CLNK: variants seen among roughly 807,000 people sequenced by gnomAD.
The protein encoded by CLNK is cytokine dependent hematopoietic cell linker.
A neutral mutation model predicts 68.6 loss-of-function variants in CLNK; 74 were observed. The observed-to-expected ratio is 1.08, with a 90% CI of 0.89 to 1.31. The LOEUF (loss-of-function observed/expected upper bound fraction) is 1.31. Among genes scored for constraint, CLNK ranks in the 50% most tolerant of loss-of-function variants. The pLI is 0.00. For missense variants in CLNK, 553 were observed against 515.3 expected (o/e 1.07, Z -0.71); for synonymous variants, 198 against 172.2 (o/e 1.15, Z -1.17).
chr4:10,642,212 G>A (rs1723333956), intron 2 of CLNK, among the ~76,000 whole-genome samples: 1 of 152,094 alleles, frequency 6.6e-6, no homozygotes, highest in Admixed American at 6.5e-5. Flanking sequence ...AGCATACACT[G>A]CCATACACAC....
At chr4:10,654,088 A>C (rs1488474390) in intron 2 of CLNK, among the ~76,000 whole-genome samples, 1 of 150,520 alleles carries the variant, frequency 6.6e-6, no homozygotes, top group African/African-American at 2.4e-5. Context: ...AATACACTGC[A>C]ACTCATTTGA....
intron 17 of CLNK, among the ~76,000 whole-genome samples, chr4:10,504,894 T>C (rs1717228743): frequency 6.6e-6 from 1 of 152,146 alleles, no homozygotes; most frequent in Non-Finnish European, 1.5e-5. Flanking sequence ...GTCATTTAAC[T>C]GAGATTTTAT....
intron 11 of CLNK, among the ~76,000 whole-genome samples, chr4:10,535,676 G>T (rs1718732180): frequency 6.6e-6 from 1 of 152,184 alleles, no homozygotes; most frequent in Non-Finnish European, 1.5e-5. Context: ...AAGGCTCAGT[G>T]CAGTGGTTAG....
intron 18 of CLNK, among the ~76,000 whole-genome samples, chr4:10,498,913 G>A (rs1442384869): frequency 6.6e-6 from 1 of 152,180 alleles, no homozygotes; most frequent in Non-Finnish European, 1.5e-5. Context: ...TGTGGGATAT[G>A]ATGAAGATTC....
At chr4:10,700,948 G>A in the CLNK span, among the ~76,000 whole-genome samples, 2 of 152,164 alleles carry the variant, frequency 1.3e-5, no homozygotes, top group Non-Finnish European at 2.9e-5. Context: ...CTGTTTCACT[G>A]CTTGAAACAT....
At chr4:10,564,135 T>C in intron 7 of CLNK, among the ~76,000 whole-genome samples, 2 of 148,416 alleles carry the variant, frequency 1.3e-5, no homozygotes, top group South Asian at 4.2e-4. Context: ...GGAGTCCCAC[T>C]CTGTCACCCA....
chr4:10,675,447 T>C (rs1470474540), intron 1 of CLNK, among the ~76,000 whole-genome samples: 2 of 152,204 alleles, frequency 1.3e-5, no homozygotes, highest in Non-Finnish European at 2.9e-5. Flanking sequence ...ATTAGAAATA[T>C]GTAATGCAAC....
chr4:10,543,778 G>C (rs1168973543), intron 8 of CLNK, among the ~76,000 whole-genome samples: 1 of 152,022 alleles, frequency 6.6e-6, no homozygotes, highest in East Asian at 1.9e-4. Context: ...TTTCATTTTT[G>C]AAAAACACTT....
chr4:10,601,666 T>G (rs541461109), intron 2 of CLNK, among the ~76,000 whole-genome samples: 20 of 152,340 alleles, frequency 1.3e-4, no homozygotes, highest in African/African-American at 4.8e-4. Context: ...GGTTCCCAAG[T>G]TGGCTACCCC....
chr4:10,575,627 C>T (rs1341694310), intron 4 of CLNK, among the ~76,000 whole-genome samples: 1 of 152,220 alleles, frequency 6.6e-6, no homozygotes, highest in African/African-American at 2.4e-5. Context: ...GTGGGCATGG[C>T]GTGGATCTCC....
At chr4:10,628,880 GA>G (rs552527956) in intron 2 of CLNK, among the ~76,000 whole-genome samples, 7 of 152,156 alleles carry the variant, frequency 4.6e-5, no homozygotes, top group Non-Finnish European at 1.0e-4. Flanking sequence ...GAGTTTTCAT[GA>G]GCTGAACCCA....
the CLNK span, chr4:10,697,174 AT>A: frequency 6.6e-6 from 1 of 152,196 alleles, no homozygotes; most frequent in Non-Finnish European, 1.5e-5. Context: ...AAATCCCTTC[AT>A]AAAAGTCAGT....
chr4:10,626,247 C>A (rs1368581847), intron 2 of CLNK, among the ~76,000 whole-genome samples: 1 of 152,192 alleles, frequency 6.6e-6, no homozygotes, highest in Non-Finnish European at 1.5e-5. Flanking sequence ...GCTCTGAGAG[C>A]AATGATCTGA....
intron 2 of CLNK, among the ~76,000 whole-genome samples, chr4:10,642,837 G>A (rs1262342845): frequency 6.6e-6 from 1 of 152,154 alleles, no homozygotes; most frequent in Non-Finnish European, 1.5e-5. Context: ...TAGAGCTTCT[G>A]GGAAGGGTAT....
At chr4:10,563,646 C>T (rs746026378) in intron 7 of CLNK, among the ~76,000 whole-genome samples, 2 of 152,134 alleles carry the variant, frequency 1.3e-5, no homozygotes, top group Non-Finnish European at 2.9e-5. Context: ...CGGTGGCTCA[C>T]GACCATAATC....
chr4:10,597,298 C>T (rs577677619), intron 3 of CLNK, among the ~76,000 whole-genome samples: 264 of 152,270 alleles, frequency 1.7e-3, no homozygotes, highest in Non-Finnish European at 2.7e-3. Context: ...ATGGGAGAGA[C>T]GGTTCTGCGC....
At chr4:10,493,275 G>A (rs546337419) in intron 18 of CLNK, among the ~76,000 whole-genome samples, 3 of 152,138 alleles carry the variant, frequency 2.0e-5, no homozygotes, top group South Asian at 2.1e-4. Context: ...CTGTGATGGC[G>A]GCACTGCACT....
At chr4:10,637,993 G>C (rs185878313) in intron 2 of CLNK, among the ~76,000 whole-genome samples, 2 of 152,200 alleles carry the variant, frequency 1.3e-5, no homozygotes, top group Non-Finnish European at 2.9e-5. Flanking sequence ...ATTAAAGCTG[G>C]AGTGAGCACA....
chr4:10,586,957 T>TTC (rs898251981), intron 3 of CLNK, among the ~76,000 whole-genome samples: 12 of 152,066 alleles, frequency 7.9e-5, no homozygotes, highest in African/African-American at 2.2e-4. Context: ...TTTGCCCATT[T>TTC]TTTTTCTTTT....
Sources: allele counts gnomAD v4.1 joint callset (sites outside exome capture counted in the v4.1 genomes callset), GRCh38; gene constraint gnomAD v4.1.1; transcripts MANE v1.5; gene names NCBI Gene and HGNC (gene_info 2026-07-23, HGNC 2026-07-21).